Variants in PTPRN2 observed in about 807,000 individuals in gnomAD.
The protein encoded by PTPRN2 is protein tyrosine phosphatase receptor type N2.
PTPRN2 carries 74 observed loss-of-function variants against 118.8 expected under a neutral mutation model. The ratio of observed to expected loss-of-function variants is 0.62; its 90% CI spans 0.52 to 0.76. PTPRN2 has a LOEUF of 0.76. PTPRN2 is among the 30% of genes least tolerant of loss of function. PTPRN2 has a pLI of 0.00. For missense variants in PTPRN2, 1,481 were observed against 1,394.4 expected, an observed-to-expected ratio of 1.06 and a Z score of -0.99; for synonymous variants, 641 against 608.0, an observed-to-expected ratio of 1.05 and a Z score of -0.80.
At chr7:157,707,390 C>A (rs971734865) in intron 12 of PTPRN2, among the ~76,000 whole-genome samples, 7 of 152,104 alleles carry the variant, frequency 4.6e-5, no homozygotes, top group East Asian at 1.9e-4. Flanking sequence ...GACACCCCCC[C>A]CACACACGTG....
intron 11 of PTPRN2, among the ~76,000 whole-genome samples, chr7:157,933,735 T>C (rs1422224026): frequency 6.9e-6 from 1 of 144,188 alleles, no homozygotes; most frequent in Non-Finnish European, 1.5e-5. Flanking sequence ...TCACCCTGAT[T>C]GACAGTTTTA....
intron 13 of PTPRN2, among the ~76,000 whole-genome samples, chr7:157,672,375 A>G (rs1360225014): frequency 6.6e-6 from 1 of 152,158 alleles, no homozygotes; most frequent in Non-Finnish European, 1.5e-5. Flanking sequence ...AGAATAAGAA[A>G]TCCCTGGGAT....
chr7:157,971,712 C>A (rs1222454439), intron 11 of PTPRN2, among the ~76,000 whole-genome samples: 1 of 151,862 alleles, frequency 6.6e-6, no homozygotes, highest in Non-Finnish European at 1.5e-5. Flanking sequence ...AGAAAAAAAA[C>A]CCACCGTTTT....
rs1829066992 is a variant in PTPRN2, at chr7:158,587,718, G to A, written c.-49C>T. 2 of 1,148,940 alleles carry A rather than the reference G, an allele frequency of 1.7e-6. No homozygotes were observed. The highest frequency in any genetic ancestry group is 2.1e-6 in the Non-Finnish European group (2 of 936,038). 71.2% of individuals were successfully genotyped at this position (1,148,940 alleles called of 1,614,324 possible). ...TCAGTCCATGGCCGCGCGGGAGGCG[G>A]CGGGAGGCGGCCGAGTCCGGGCCCA... On this transcript the variant is annotated 5_prime_UTR_variant, in exon 1 of 23. Coordinates refer to ENST00000389418, the MANE Select transcript of PTPRN2 (RefSeq NM_002847.5).
chr7:158,532,167 CA>C (rs1302762541), intron 1 of PTPRN2, among the ~76,000 whole-genome samples: 3 of 152,216 alleles, frequency 2.0e-5, no homozygotes, highest in African/African-American at 7.2e-5. Flanking sequence ...GAGGGAGGTG[CA>C]GACCGCTTCA....
chr7:158,378,294 G>A (rs887126823), intron 2 of PTPRN2, among the ~76,000 whole-genome samples: 2 of 152,200 alleles, frequency 1.3e-5, no homozygotes, highest in Non-Finnish European at 2.9e-5. Context: ...CAGGGCATGA[G>A]TTTTCCTAAA....
At chr7:158,340,543 C>A (rs1306998547) in intron 2 of PTPRN2, among the ~76,000 whole-genome samples, 1 of 125,366 alleles carries the variant, frequency 8.0e-6, no homozygotes, top group East Asian at 2.5e-4. Context: ...AGCTGTCGCC[C>A]GCAGAGGTCA....
chr7:157,846,564 C>T (rs1333489345), intron 12 of PTPRN2, among the ~76,000 whole-genome samples: 1 of 152,182 alleles, frequency 6.6e-6, no homozygotes, highest in African/African-American at 2.4e-5. Flanking sequence ...AGTGCGCTGC[C>T]CCAACACCCT....
At chr7:158,082,949 C>T (rs1252662255) in intron 10 of PTPRN2, among the ~76,000 whole-genome samples, 1 of 152,184 alleles carries the variant, frequency 6.6e-6, no homozygotes, top group Non-Finnish European at 1.5e-5. Context: ...CTGGTCCCCA[C>T]TATGGGCCCT....
intron 12 of PTPRN2, among the ~76,000 whole-genome samples, chr7:157,687,260 G>A (rs1797244703): frequency 2.0e-5 from 3 of 152,142 alleles, no homozygotes; most frequent in Non-Finnish European, 4.4e-5. Flanking sequence ...AAAGAAAAAA[G>A]GACATGTTAT....
intron 1 of PTPRN2, among the ~76,000 whole-genome samples, chr7:158,553,039 C>G (rs1158808456): frequency 6.6e-6 from 1 of 151,806 alleles, no homozygotes; most frequent in Non-Finnish European, 1.5e-5. Flanking sequence ...CCTAGGCTAC[C>G]TTCCCTGTAT....
In PTPRN2 at chr7:158,525,980, C is replaced by T. The variant is rs1042453298; in HGVS notation, c.113-36195G>A. ...CAAGCCGACAATGCCCCCCCATTGACTCGGCTCTCTGCAGACCTGCAGACC... is the reference window on the plus strand; with the variant it reads ...CAAGCCGACAATGCCCCCCCATTGATTCGGCTCTCTGCAGACCTGCAGACC... On this transcript the variant is annotated intron_variant, in intron 1 of 22. Coordinates refer to ENST00000389418, the MANE Select transcript of PTPRN2 (RefSeq NM_002847.5). The surrounding 1 kb of genome is among the most constrained non-coding windows in gnomAD (Gnocchi z 4.1). Among the ~76,000 whole-genome samples the T allele has an allele frequency of 6.6e-6, 1 of 152,222 alleles. No individual in the cohort carries two copies. Among genetic ancestry groups the T allele is most frequent in the Non-Finnish European group, 1.5e-5 (1 of 68,034 alleles).
intron 3 of PTPRN2, among the ~76,000 whole-genome samples, chr7:158,287,076 G>T (rs915922709): frequency 6.6e-6 from 1 of 151,980 alleles, no homozygotes; most frequent in Non-Finnish European, 1.5e-5. Context: ...TTTCTTGGTA[G>T]GTATCATATG....
At chr7:157,935,217 T>C (rs1335342196) in intron 11 of PTPRN2, among the ~76,000 whole-genome samples, 18 of 152,206 alleles carry the variant, frequency 1.2e-4, no homozygotes, top group Admixed American at 6.5e-5. Context: ...GTTTTGAATA[T>C]TAATTCTTCT....
At position 157,893,881 on chromosome 7, in the gene PTPRN2, G is replaced by A. The variant is rs1386185731; in HGVS notation, c.1788+4792C>T. ...TGTAGAACTCACGGAGGAGGAGCTGGTCGACTTGAAGGGAACAGAGATGGC... is the reference window on the plus strand; with the variant it reads ...TGTAGAACTCACGGAGGAGGAGCTGATCGACTTGAAGGGAACAGAGATGGC... On this transcript the variant is annotated intron_variant, in intron 12 of 22. Transcript: ENST00000389418. The surrounding 1 kb of genome is among the most constrained non-coding windows in gnomAD (Gnocchi z 4.0). Among the ~76,000 whole-genome samples the A allele has an allele frequency of 6.6e-6, 1 of 152,320 alleles. No individual in the cohort carries two copies. The highest frequency in any genetic ancestry group is 1.5e-5 in the Non-Finnish European group (1 of 68,028).
rs1038497636 is a variant in PTPRN2, at chr7:157,674,363, C to T, written c.2001+8362G>A. Among the ~76,000 whole-genome samples, 1 of 152,164 alleles carries T rather than the reference C, an allele frequency of 6.6e-6. No individual in the cohort carries two copies. Among genetic ancestry groups the T allele is most frequent in the Non-Finnish European group, 1.5e-5 (1 of 68,014 alleles). On this transcript the variant is annotated intron_variant, in intron 13 of 22. Transcript: ENST00000389418. This position sits in a 1 kb window ranked among gnomAD's most constrained non-coding sequence, Gnocchi z 4.5. ...GATCAGCCTTCCTTATCCACGTCCTCGAAGTGATCCCCGTTTGACATTTGG... is the reference window on the plus strand; with the variant it reads ...GATCAGCCTTCCTTATCCACGTCCTTGAAGTGATCCCCGTTTGACATTTGG...
chr7:157,979,431 G>T (rs1802973283), intron 11 of PTPRN2, among the ~76,000 whole-genome samples: 1 of 152,210 alleles, frequency 6.6e-6, no homozygotes, highest in Non-Finnish European at 1.5e-5. Context: ...CAGCAGCAAT[G>T]GTGGTGATGA....
intron 7 of PTPRN2, 102 bp from the exon 8 acceptor site, chr7:158,136,797 G>C (rs1393524107): frequency 9.1e-7 from 1 of 1,094,938 alleles, no homozygotes; most frequent in East Asian, 2.4e-5. Flanking sequence ...CATACGAAAG[G>C]TGAGGTGTGA....
At chr7:157,883,457 G>A (rs1337688884) in intron 12 of PTPRN2, among the ~76,000 whole-genome samples, 13 of 125,044 alleles carry the variant, frequency 1.0e-4, no homozygotes, top group Non-Finnish European at 1.3e-4. Flanking sequence ...GTTGGAGATC[G>A]GAATGCACCA....
Sources: allele counts gnomAD v4.1 joint callset (sites outside exome capture counted in the v4.1 genomes callset), GRCh38; gene constraint gnomAD v4.1.1; non-coding constraint Gnocchi (gnomAD v3.1); transcripts MANE v1.5; gene names NCBI Gene and HGNC (gene_info 2026-07-23, HGNC 2026-07-21).